Variants in PCDHGB2 observed in about 807,000 individuals in gnomAD.
The protein encoded by PCDHGB2 is protocadherin gamma-B2.
PCDHGB2 carries 55 observed loss-of-function variants against 59.3 expected under a neutral mutation model. That is an observed-to-expected ratio of 0.93 (90% CI 0.75 to 1.16). The LOEUF is 1.16. PCDHGB2 is among the 50% of genes most tolerant of loss of function. The probability of loss-of-function intolerance (pLI) is 0.00; values close to 1 mark genes in which losing one functional copy is unlikely to be tolerated. For synonymous variants in PCDHGB2, 516 were observed against 512.0 expected (o/e 1.01, Z -0.11); for missense variants, 1,228 against 1,198.5 (o/e 1.02, Z -0.36).
intron 1 of PCDHGB2, among the ~76,000 whole-genome samples, chr5:141,450,888 G>A (rs1038570371): frequency 6.9e-5 from 10 of 145,278 alleles, no homozygotes; most frequent in Admixed American, 4.1e-4. Context: ...GCAGTGGTGC[G>A]ATATCGGCTC....
chr5:141,482,248 C>G (rs1056466272), intron 1 of PCDHGB2, among the ~76,000 whole-genome samples: 1 of 152,084 alleles, frequency 6.6e-6, no homozygotes, highest in African/African-American at 2.4e-5. Context: ...AAGTATAGTA[C>G]TGTACATATT....
chr5:141,427,405 C>T (rs1209638263), intron 1 of PCDHGB2: 1 of 462,180 alleles, frequency 2.2e-6, no homozygotes, highest in East Asian at 6.8e-5. Context: ...GATAAAGATT[C>T]GAGAGAAAAT....
At chr5:141,503,607 A>G (rs141670522) in intron 2 of PCDHGB2, among the ~76,000 whole-genome samples, 63 of 151,996 alleles carry the variant, frequency 4.1e-4, no homozygotes, top group African/African-American at 1.4e-3. Flanking sequence ...TCAAAAAAAA[A>G]AAAAAAAGAA....
chr5:141,468,226 G>T (rs967204965), intron 1 of PCDHGB2, among the ~76,000 whole-genome samples: 2 of 151,038 alleles, frequency 1.3e-5, no homozygotes, highest in Admixed American at 1.3e-4. Flanking sequence ...TTGGGAGGAT[G>T]AGGTAGGAGA....
At chr5:141,423,885 A>G in intron 1 of PCDHGB2, 6 of 1,277,816 alleles carry the variant, frequency 4.7e-6, no homozygotes, top group Non-Finnish European at 5.9e-6. Flanking sequence ...ATCTTGGCAT[A>G]TTTTCTTTTG....
chr5:141,413,601 A>T (rs2095657842), intron 1 of PCDHGB2: 1 of 1,613,814 alleles, frequency 6.2e-7, no homozygotes, highest in African/African-American at 1.3e-5. Flanking sequence ...CAGAAAATCT[A>T]GACGTAAAAA....
In PCDHGB2 at chr5:141,432,856, G is replaced by C; in HGVS notation, c.2422-61951G>C. 1 of 1,614,142 alleles carries C rather than the reference G, an allele frequency of 6.2e-7. No homozygotes were observed. The highest frequency in any genetic ancestry group is 1.7e-5 in the Admixed American group (1 of 60,030). On this transcript the variant is annotated intron_variant, in intron 1 of 3. Coordinates refer to ENST00000522605, the MANE Select transcript of PCDHGB2 (RefSeq NM_018923.3). This position sits in a 1 kb window ranked among gnomAD's most constrained non-coding sequence, Gnocchi z 6.0. Reference sequence around the variant, plus strand: ...TGTACCTGGTGGTAGCGGTGGCCGCGGTCTCCTGCGTCTTCCTGGCCTTCG... The same window carrying C: ...TGTACCTGGTGGTAGCGGTGGCCGCCGTCTCCTGCGTCTTCCTGGCCTTCG...
At chr5:141,472,109 A>G (rs1353132107) in intron 1 of PCDHGB2, among the ~76,000 whole-genome samples, 2 of 152,234 alleles carry the variant, frequency 1.3e-5, no homozygotes, top group Non-Finnish European at 2.9e-5. Flanking sequence ...TTTTATACAT[A>G]AAGAAAATAA....
At chr5:141,488,331 T>C (rs535498873) in intron 1 of PCDHGB2, among the ~76,000 whole-genome samples, 22 of 152,218 alleles carry the variant, frequency 1.4e-4, no homozygotes, top group Non-Finnish European at 3.1e-4. Context: ...TACAGTTGGC[T>C]GATTCATAGA....
chr5:141,360,233 T>C lies in PCDHGB2; in HGVS notation c.98T>C (p.Ile33Thr), dbSNP rs770644210. ...TTCCCCGGGGCTCTCCCAGTCCAGA[T>C]CCGCTATTCAATTCCAGAGGAGCTG... Reference protein sequence around the residue: ...SLFPGALPVQIRYSIPEELAK... With the variant: ...SLFPGALPVQTRYSIPEELAK... Residue 33 changes from isoleucine (I) to threonine (T), a missense_variant, in exon 1 of 4, where the codon ATC becomes ACC. Ile to Thr is a moderately conservative substitution (Grantham distance 89, BLOSUM62 -1). Transcript: ENST00000522605. 1.9e-6 allele frequency: 3 copies of C among 1,613,862 alleles called. No individual in the cohort carries two copies. The highest frequency in any genetic ancestry group is 1.7e-5 in the Admixed American group (1 of 60,000).
intron 1 of PCDHGB2, chr5:141,415,646 A>G: frequency 6.2e-7 from 1 of 1,600,190 alleles, no homozygotes; most frequent in South Asian, 1.1e-5. Context: ...TTTGTTAAAA[A>G]AAAAAAGATT....
intron 1 of PCDHGB2, chr5:141,414,597 C>G: frequency 6.2e-7 from 1 of 1,613,972 alleles, no homozygotes; most frequent in South Asian, 1.1e-5. Context: ...GGGGTGCCTC[C>G]ATCTTCTCAG....
intron 3 of PCDHGB2, among the ~76,000 whole-genome samples, chr5:141,510,591 A>G (rs1050708244): frequency 6.6e-6 from 1 of 152,176 alleles, no homozygotes; most frequent in Non-Finnish European, 1.5e-5. Flanking sequence ...TACCTGACAT[A>G]CATTTTCTTA....
chr5:141,383,860 G>C lies in PCDHGB2; in HGVS notation c.2421+21304G>C, dbSNP rs772168555. On this transcript the variant is annotated intron_variant, in intron 1 of 3. Coordinates refer to ENST00000522605, the MANE Select transcript of PCDHGB2 (RefSeq NM_018923.3). ...TGCCTTCTATGAAATGGAGGTTCAG[G>C]CTCAAGATGGTCCTGGTAGTCTGAC... 6 of 1,613,808 alleles carry C rather than the reference G, an allele frequency of 3.7e-6. No homozygotes were observed. The Admixed American group carries it at 8.3e-5, about 22-fold the overall frequency.
chr5:141,389,124 C>A, intron 1 of PCDHGB2: 1 of 1,613,996 alleles, frequency 6.2e-7, no homozygotes, highest in Non-Finnish European at 8.5e-7. Flanking sequence ...CGAGCAGAAT[C>A]CAGAGTACAA....
chr5:141,483,435 A>G (rs2099581280), intron 1 of PCDHGB2, among the ~76,000 whole-genome samples: 1 of 152,180 alleles, frequency 6.6e-6, no homozygotes, highest in Admixed American at 6.5e-5. Context: ...GGAGCTGACT[A>G]CAATAAAATC....
At chr5:141,415,293 C>T in intron 1 of PCDHGB2, 1 of 1,614,192 alleles carries the variant, frequency 6.2e-7, no homozygotes, top group Non-Finnish European at 8.5e-7. Flanking sequence ...CGGTCTCCTG[C>T]GTCTTCCTGG....
intron 1 of PCDHGB2, chr5:141,389,276 G>A (rs375882135): frequency 8.7e-6 from 14 of 1,613,858 alleles, no homozygotes; most frequent in Admixed American, 1.7e-5. Flanking sequence ...AGAACAACCC[G>A]CCTGGAGCCT....
Position 141,477,447 on chromosome 5 carries a change from G to T in PCDHGB2, c.2422-17360G>T, listed in dbSNP as rs779097830. The T allele has an allele frequency of 6.2e-7, 1 of 1,614,098 alleles. No homozygotes were observed. Among genetic ancestry groups the T allele is most frequent in the Non-Finnish European group, 8.5e-7 (1 of 1,180,016 alleles). ...TCCCTCTCAGCCCTTACAATAGTGCGTGTTCAAGTGTCCGACATCAATGAC... is the reference window on the plus strand; with the variant it reads ...TCCCTCTCAGCCCTTACAATAGTGCTTGTTCAAGTGTCCGACATCAATGAC... On this transcript the variant is annotated intron_variant, in intron 1 of 3. Coordinates refer to ENST00000522605, the MANE Select transcript of PCDHGB2 (RefSeq NM_018923.3). This position sits in a 1 kb window ranked among gnomAD's most constrained non-coding sequence, Gnocchi z 4.9.
Sources: gnomAD v4.1 joint callset for allele counts (sites outside exome capture counted in the v4.1 genomes callset) on GRCh38, gnomAD v4.1.1 for gene constraint, Gnocchi (gnomAD v3.1) non-coding constraint, MANE v1.5 for transcripts, NCBI Gene and HGNC (gene_info 2026-07-23, HGNC 2026-07-21) for gene names.